SNRK: variants seen among roughly 807,000 people sequenced by gnomAD.
SNRK encodes the protein SNF related kinase, also known as SNF-related serine/threonine-protein kinase.
SNRK carries 3 observed loss-of-function variants against 48.2 expected under a neutral mutation model. The observed-to-expected ratio is 0.06, with a 90% CI of 0.03 to 0.16. The LOEUF (loss-of-function observed/expected upper bound fraction) is 0.16, where lower values mean the gene tolerates loss of function less well. Ranked by LOEUF, SNRK falls within the 10% of genes least tolerant of loss-of-function variation. SNRK has a pLI of 1.00. For synonymous variants in SNRK, 376 were observed against 366.1 expected (o/e 1.03, Z -0.31); for missense variants, 627 against 976.0 (o/e 0.64, Z 4.76).
At chr3:43,305,513 C>T (rs927236425) in intron 3 of SNRK, among the ~76,000 whole-genome samples, 8 of 142,768 alleles carry the variant, frequency 5.6e-5, no homozygotes, top group African/African-American at 1.6e-4. Context: ...GACAGAGTCT[C>T]GTTCTGTCAC....
At chr3:43,341,441 G>T (rs1377274754) in intron 5 of SNRK, among the ~76,000 whole-genome samples, 1 of 152,178 alleles carries the variant, frequency 6.6e-6, no homozygotes, top group Admixed American at 6.5e-5. Context: ...GTGAGCCACT[G>T]TGCCCAGCCC....
At chr3:43,332,036 C>T (rs895897716) in intron 3 of SNRK, 133 bp from the exon 4 acceptor site, 3 of 626,102 alleles carry the variant, frequency 4.8e-6, no homozygotes, top group Non-Finnish European at 7.2e-6. Flanking sequence ...GGCTTCTTTT[C>T]CTTCATGGAT....
chr3:43,302,380 A>C (rs903444939), intron 2 of SNRK, among the ~76,000 whole-genome samples: 5 of 152,236 alleles, frequency 3.3e-5, no homozygotes, highest in African/African-American at 1.2e-4. Context: ...TTGCATTTCA[A>C]AATTTAATAA....
At position 43,347,782 on chromosome 3, in the gene SNRK, A is replaced by G; in HGVS notation, c.1523A>G (p.Lys508Arg). 2 of 1,614,140 alleles carry G rather than the reference A, an allele frequency of 1.2e-6. No individual in the cohort carries two copies. Among genetic ancestry groups the G allele is most frequent in the Non-Finnish European group, 1.7e-6 (2 of 1,180,026 alleles). Reference protein sequence around the residue: ...EFDMDENLPPKLSRLKMNIAS... With the variant: ...EFDMDENLPPRLSRLKMNIAS... ...GACATGGATGAGAATCTGCCTCCCAAGTTGAGCAGGTTAAAGATGAATATA... is the reference window on the plus strand; with the variant it reads ...GACATGGATGAGAATCTGCCTCCCAGGTTGAGCAGGTTAAAGATGAATATA... The change falls in exon 7 of 7, where the codon AAG (lysine) becomes AGG (arginine). Residue 508 changes from lysine (K) to arginine (R), a missense_variant. Lys to Arg is a conservative substitution (Grantham distance 26, BLOSUM62 2). Around this residue, in one of 4 missense-constraint regions of SNRK, gnomAD observed 98 missense variants for 175.2 expected, o/e 0.56. Transcript: ENST00000296088. The surrounding 1 kb of genome is among the most constrained non-coding windows in gnomAD (Gnocchi z 5.4).
intron 4 of SNRK, among the ~76,000 whole-genome samples, chr3:43,338,800 C>T (rs757753531): frequency 4.6e-5 from 7 of 151,660 alleles, no homozygotes; most frequent in Non-Finnish European, 1.0e-4. Flanking sequence ...TTTAGAAGCC[C>T]TATTTAGTTT....
At position 43,303,424 on chromosome 3, in the gene SNRK, A is replaced by G. The variant is rs2090912866; in HGVS notation, c.221A>G (p.Asn74Ser). ...VRCMKLVQHP[N>S]IVRLYEVIDT... is the part of the protein sequence containing the mutation. Reference sequence around the variant, plus strand: ...TGCATGAAACTAGTGCAGCATCCTAACATCGTCCGCCTTTATGAAGTTATT... The same window carrying G: ...TGCATGAAACTAGTGCAGCATCCTAGCATCGTCCGCCTTTATGAAGTTATT... Residue 74 changes from asparagine to serine, a missense_variant, in exon 3 of 7, where the codon AAC becomes AGC. Physicochemically the swap from Asn to Ser is conservative, Grantham distance 46. Around this residue, in one of 4 missense-constraint regions of SNRK, gnomAD observed 147 missense variants for 356.8 expected, o/e 0.41. Transcript: ENST00000296088. The surrounding 1 kb of genome is among the most constrained non-coding windows in gnomAD (Gnocchi z 6.2). 6.2e-7 allele frequency: 1 copy of G among 1,614,182 alleles called. No homozygotes were observed. The highest frequency in any genetic ancestry group is 8.5e-7 in the Non-Finnish European group (1 of 1,180,030).
In SNRK at chr3:43,348,169, C is replaced by T; in HGVS notation, c.1910C>T (p.Ser637Phe). ...AGPSNSMQLA[S>F]RSAGELVESL... The stretch of plus-strand genomic sequence containing the variant: ...CCCAGCAACTCCATGCAGCTGGCCT[C>T]TCGCAGTGCTGGGGAGCTCGTTGAG... Residue 637 changes from serine (S) to phenylalanine (F), a missense_variant, in exon 7 of 7, where the codon TCT becomes TTT. Around this residue, in one of 4 missense-constraint regions of SNRK, gnomAD observed 207 missense variants for 234.3 expected, o/e 0.88. Transcript: ENST00000296088. 3 of 1,587,880 alleles carry T rather than the reference C, an allele frequency of 1.9e-6. No homozygotes were observed. The highest frequency in any genetic ancestry group is 2.6e-6 in the Non-Finnish European group (3 of 1,168,148).
At chr3:43,337,447 G>GT (rs2091200193) in intron 4 of SNRK, among the ~76,000 whole-genome samples, 1 of 151,888 alleles carries the variant, frequency 6.6e-6, no homozygotes, top group African/African-American at 2.4e-5. Context: ...CGGGGGAATG[G>GT]TCTCACCCTG....
chr3:43,325,217 C>G (rs997254736), intron 3 of SNRK, among the ~76,000 whole-genome samples: 5 of 152,180 alleles, frequency 3.3e-5, no homozygotes, highest in African/African-American at 1.2e-4. Context: ...CCAGGCTGGA[C>G]TGCAGTGGCG....
intron 1 of SNRK, among the ~76,000 whole-genome samples, chr3:43,291,787 G>A (rs1488913754): frequency 1.3e-5 from 2 of 152,078 alleles, no homozygotes; most frequent in East Asian, 1.9e-4. Flanking sequence ...TACCTCTATG[G>A]TGAAGATAAT....
intron 1 of SNRK, among the ~76,000 whole-genome samples, chr3:43,298,952 G>A (rs188074876): frequency 3.9e-4 from 60 of 152,262 alleles, no homozygotes; most frequent in Non-Finnish European, 5.9e-4. Flanking sequence ...AAAGCTTGCC[G>A]TCCTTGGCTG....
intron 1 of SNRK, among the ~76,000 whole-genome samples, chr3:43,287,329 T>C (rs767733266): frequency 3.9e-5 from 6 of 152,156 alleles, no homozygotes; most frequent in Non-Finnish European, 7.4e-5. Context: ...TTCTTTCTGG[T>C]CCATTTTACA....
chr3:43,346,355 TTATAAC>T (rs2091275707), intron 6 of SNRK, among the ~76,000 whole-genome samples: 1 of 152,216 alleles, frequency 6.6e-6, no homozygotes, highest in South Asian at 2.1e-4. Flanking sequence ...TGCTTTATTA[TTATAAC>T]TATATGACTA....
At position 43,348,518 on chromosome 3, in the gene SNRK, G is replaced by A; in HGVS notation, c.2259G>A (p.Leu753=). Residue 753 remains leucine, a synonymous_variant, in exon 7 of 7, where the codon CTG becomes CTA. Coordinates refer to ENST00000296088, the MANE Select transcript of SNRK (RefSeq NM_017719.5). ...NIQRNPKEGL[L]CASSPASCCH... is the part of the protein sequence containing the mutation. ...AGCGGAACCCTAAGGAGGGGCTGCT[G>A]TGCGCATCCAGCCCAGCCAGCTGTT... 2 of 1,555,884 alleles carry A rather than the reference G, an allele frequency of 1.3e-6. No individual in the cohort carries two copies. The highest frequency in any genetic ancestry group is 2.0e-5 in the Admixed American group (1 of 49,968).
chr3:43,333,122 T>G (rs1178581554), intron 4 of SNRK: 1 of 151,952 alleles, frequency 6.6e-6, no homozygotes, highest in Admixed American at 6.6e-5. Context: ...GTTTAAGAAC[T>G]TAGGTATTCA....
At chr3:43,290,386 G>A (rs939761033) in intron 1 of SNRK, among the ~76,000 whole-genome samples, 1 of 152,158 alleles carries the variant, frequency 6.6e-6, no homozygotes, top group African/African-American at 2.4e-5. Context: ...TCTACTTTCT[G>A]CTAGCATGTT....
chr3:43,319,662 A>G (rs189901982), intron 3 of SNRK, among the ~76,000 whole-genome samples: 20 of 152,270 alleles, frequency 1.3e-4, no homozygotes, highest in Admixed American at 2.0e-4. Context: ...GTTTGTTTAT[A>G]TTTTGTCAGT....
At chr3:43,306,682 TCTTTAA>T (rs2125622504) in intron 3 of SNRK, among the ~76,000 whole-genome samples, 1 of 152,290 alleles carries the variant, frequency 6.6e-6, no homozygotes, top group East Asian at 1.9e-4. Context: ...GATGTGTACA[TCTTTAA>T]CTTTAATGCT....
Position 43,303,143 on chromosome 3 carries a change from ATTC to A in SNRK, c.-58_-56del. On this transcript the variant is annotated 5_prime_UTR_variant, in exon 3 of 7. Coordinates refer to ENST00000296088, the MANE Select transcript of SNRK (RefSeq NM_017719.5). The surrounding 1 kb of genome is among the most constrained non-coding windows in gnomAD (Gnocchi z 6.2). ...AATGAATTTTTTGTATTCACCAGAT[ATTC>A]TTATATGAGAAGATCTATTTTAAAC... 5 of 1,210,646 alleles carry A rather than the reference ATTC, an allele frequency of 4.1e-6. No individual in the cohort carries two copies. The highest frequency in any genetic ancestry group is 5.8e-6 in the Non-Finnish European group (5 of 860,816). The allele number at this position is 1,210,646 out of a possible 1,614,324, so 75.0% of individuals were successfully genotyped here.
Sources: allele counts gnomAD v4.1 joint callset (sites outside exome capture counted in the v4.1 genomes callset), GRCh38; gene constraint gnomAD v4.1.1; regional missense constraint gnomAD v4.1.1; non-coding constraint Gnocchi (gnomAD v3.1); transcripts MANE v1.5; gene names NCBI Gene and HGNC (gene_info 2026-07-23, HGNC 2026-07-21).